Variants in MTMR10 observed in about 807,000 individuals in gnomAD.
MTMR10 encodes the protein myotubularin related protein 10.
Under a neutral mutation model 88.1 loss-of-function variants are expected in MTMR10, and 56 were observed. The ratio of observed to expected loss-of-function variants is 0.64; its 90% CI spans 0.51 to 0.79. The LOEUF (loss-of-function observed/expected upper bound fraction) is 0.79. Among genes scored for constraint, MTMR10 ranks in the 30% least tolerant of loss-of-function variants. The probability of loss-of-function intolerance (pLI) is 0.00; values close to 1 mark genes in which losing one functional copy is unlikely to be tolerated. For missense variants in MTMR10, 883 were observed against 924.7 expected (o/e 0.95, Z 0.58); for synonymous variants, 380 against 340.9 (o/e 1.11, Z -1.26).
chr15:30,974,478 A>G (rs931485043), intron 4 of MTMR10, 22 bp from the exon 5 acceptor site: 3 of 1,502,740 alleles, frequency 2.0e-6, no homozygotes, highest in Non-Finnish European at 2.7e-6. Flanking sequence ...AAAAAAATAG[A>G]GAAAATAAAA....
At chr15:30,970,749 C>T (rs1440950840) in intron 5 of MTMR10, among the ~76,000 whole-genome samples, 2 of 152,130 alleles carry the variant, frequency 1.3e-5, no homozygotes, top group East Asian at 3.9e-4. Flanking sequence ...AAGGCAAAAC[C>T]CAACACAGCG....
intron 2 of MTMR10, among the ~76,000 whole-genome samples, chr15:30,984,671 T>C (rs2030822938): frequency 6.6e-6 from 1 of 152,182 alleles, no homozygotes; most frequent in Non-Finnish European, 1.5e-5. Flanking sequence ...CCCATGGTTG[T>C]ATGCTTTTCT....
At chr15:30,966,554 G>T (rs930600767) in intron 6 of MTMR10, among the ~76,000 whole-genome samples, 1 of 152,114 alleles carries the variant, frequency 6.6e-6, no homozygotes, top group Non-Finnish European at 1.5e-5. Context: ...TGCAACTCTG[G>T]GTGAGGATCT....
chr15:30,929,684 A>T, the MTMR10 span, among the ~76,000 whole-genome samples: 66 of 63,842 alleles, frequency 1.0e-3, no homozygotes, highest in Non-Finnish European at 1.7e-3. Context: ...ATATCATATA[A>T]TATATATAAA....
chr15:30,937,395 A>G (rs2062886331), downstream of MTMR10: 3 of 780,504 alleles, frequency 3.8e-6, no homozygotes, highest in Non-Finnish European at 6.0e-6. Context: ...TGCATATCAC[A>G]AAACAGTGTT....
intron 9 of MTMR10, among the ~76,000 whole-genome samples, chr15:30,955,472 A>G (rs535377035): frequency 6.4e-4 from 97 of 152,158 alleles, no homozygotes; most frequent in Non-Finnish European, 1.1e-3. Flanking sequence ...GGGTTTCACC[A>G]TGTTGGCCAG....
chr15:30,959,632 A>G (rs1014778883), intron 7 of MTMR10, among the ~76,000 whole-genome samples: 3 of 152,182 alleles, frequency 2.0e-5, no homozygotes, highest in Admixed American at 6.5e-5. Context: ...TCTTTCCCCG[A>G]CGTGGCTGGG....
intron 9 of MTMR10, among the ~76,000 whole-genome samples, chr15:30,955,546 A>AG (rs200511479): frequency 0.035 from 5,282 of 152,300 alleles, 123 homozygotes; most frequent in African/African-American, 0.064. Flanking sequence ...CTGGGATTAC[A>AG]GGCGTGAGCC....
Position 30,948,329 on chromosome 15 carries a change from G to A in MTMR10, c.1350C>T (p.Cys450=), listed in dbSNP as rs1341566612. The A allele has an allele frequency of 6.2e-7, 1 of 1,613,632 alleles. No homozygotes were observed. Among genetic ancestry groups the A allele is most frequent in the Non-Finnish European group, 8.5e-7 (1 of 1,179,782 alleles). ...CTTTCTCTGATCTCTTTAGATGGTT[G>A]CATCTGTCTAGAAACTGATATCCTG... ...VMAGYQFLDR[C]NHLKRSEKES... The change falls in exon 13 of 16, where the codon TGC becomes TGT. Residue 450 remains cysteine (C), a synonymous_variant. Coordinates refer to ENST00000435680, the MANE Select transcript of MTMR10 (RefSeq NM_017762.3).
intron 9 of MTMR10, chr15:30,956,285 T>C (rs539854978): frequency 6.6e-6 from 1 of 152,338 alleles, no homozygotes; most frequent in East Asian, 1.9e-4. Flanking sequence ...CATGTCATCT[T>C]TGTGCAAGGG....
At chr15:30,977,377 G>A (rs2030231283) in intron 2 of MTMR10, among the ~76,000 whole-genome samples, 1 of 152,136 alleles carries the variant, frequency 6.6e-6, no homozygotes, top group Non-Finnish European at 1.5e-5. Context: ...CCTTTTGTAA[G>A]GAATGAGAAA....
Position 30,940,894 on chromosome 15 carries a change from T to C in MTMR10, c.*576A>G, listed in dbSNP as rs1258400015. 1 of 1,023,490 alleles carries C rather than the reference T, an allele frequency of 9.8e-7. No individual in the cohort carries two copies. The highest frequency in any genetic ancestry group is 1.2e-6 in the Non-Finnish European group (1 of 852,784). 63.4% of individuals were successfully genotyped at this position (1,023,490 alleles called of 1,614,324 possible). On this transcript the variant is annotated 3_prime_UTR_variant, in exon 16 of 16. Transcript: ENST00000435680. ...GCATATCATTTTAAAGTTGACCCTA[T>C]GAAGTTAAAAGCAAACTCATGATTT...
At chr15:30,924,953 G>A in the MTMR10 span, 1 of 625,606 alleles carries the variant, frequency 1.6e-6, no homozygotes, top group Non-Finnish European at 2.6e-6. Context: ...CAGATGCATT[G>A]AAATCCTCAG....
intron 5 of MTMR10, among the ~76,000 whole-genome samples, chr15:30,973,469 G>C (rs866235225): frequency 2.6e-5 from 4 of 151,996 alleles, no homozygotes; most frequent in African/African-American, 4.8e-5. Flanking sequence ...GCCTTGTTTT[G>C]GTATCAACAG....
rs766100169 is a variant in MTMR10, at chr15:30,958,928, G to A, written c.870C>T (p.Asn290=). Residue 290 remains asparagine, a synonymous_variant, in exon 9 of 16, where the codon AAC becomes AAT. Transcript: ENST00000435680. ...GGGCCATTCGCACAAGAGCACTGCCGTTAGAGTGGCTCCAGCACCAGAGCT... is the reference window on the plus strand; with the variant it reads ...GGGCCATTCGCACAAGAGCACTGCCATTAGAGTGGCTCCAGCACCAGAGCT... ...RMPLWCWSHS[N]GSALVRMALI... is the part of the protein sequence containing the mutation. The A allele has an allele frequency of 9.3e-6, 15 of 1,614,000 alleles. No homozygotes were observed. The highest frequency in any genetic ancestry group is 1.6e-4 in the Middle Eastern group (1 of 6,062).
In MTMR10 at chr15:30,941,907, C is replaced by G; in HGVS notation, c.1897G>C (p.Glu633Gln). 2 of 1,614,020 alleles carry G rather than the reference C, an allele frequency of 1.2e-6. No individual in the cohort carries two copies. The highest frequency in any genetic ancestry group is 1.7e-6 in the Non-Finnish European group (2 of 1,179,908). The change falls in exon 16 of 16, where the codon GAA becomes CAA. Residue 633 changes from glutamate to glutamine, a missense_variant. Glu to Gln is a conservative substitution (Grantham distance 29). Around this residue, in one of 3 missense-constraint regions of MTMR10, gnomAD observed 343 missense variants for 323.2 expected, o/e 1.06. Transcript: ENST00000435680. ...AGGTTGGCGGGTTTGGAAAACCATT[C>G]TCTAAAATACTGCTCCGTATCACTG... Reference protein sequence around the residue: ...QNSDTEQYFREWFSKPANLHG... With the variant: ...QNSDTEQYFRQWFSKPANLHG...
downstream of MTMR10, among the ~76,000 whole-genome samples, chr15:30,934,666 A>G (rs1431258006): frequency 6.6e-6 from 1 of 152,224 alleles, no homozygotes; most frequent in East Asian, 1.9e-4. Flanking sequence ...GGCATGAGCC[A>G]CAGTGCCTGG....
At chr15:30,922,364 A>G in the MTMR10 span, 2 of 1,589,692 alleles carry the variant, frequency 1.3e-6, no homozygotes, top group Admixed American at 3.9e-5. Context: ...GGTACTCAGT[A>G]ACAAAACATA....
chr15:30,981,912 A>G (rs1466627452), intron 2 of MTMR10, among the ~76,000 whole-genome samples: 2 of 152,048 alleles, frequency 1.3e-5, no homozygotes, highest in Non-Finnish European at 2.9e-5. Flanking sequence ...TCTACTAAAA[A>G]CACAAAAAAT....
Sources: gnomAD v4.1 joint callset for allele counts (sites outside exome capture counted in the v4.1 genomes callset) on GRCh38, gnomAD v4.1.1 for gene constraint, gnomAD v4.1.1 regional missense constraint, MANE v1.5 for transcripts, NCBI Gene and HGNC (gene_info 2026-07-23, HGNC 2026-07-21) for gene names.